The following OR2C1 variants were observed in gnomAD, a reference collection of about 807,000 sequenced individuals.
OR2C1 encodes the protein olfactory receptor 2C1.
For missense variants in OR2C1, 468 were observed against 388.3 expected (o/e 1.21, Z -1.73); for synonymous variants, 209 against 167.3 (o/e 1.25, Z -1.92).
chr16:3,356,725 C>A lies in OR2C1; in HGVS notation c.785C>A (p.Pro262Gln), dbSNP rs144009681. Reference protein sequence around the residue: ...YGSASYGYLLPAKNSKQDQGK... With the variant: ...YGSASYGYLLQAKNSKQDQGK... ...TCAGCCAGCTATGGGTATCTGCTTC[C>A]GGCCAAGAACAGCAAACAGGACCAG... The change falls in exon 1 of 1, where the codon CCG becomes CAG. Residue 262 changes from proline (P) to glutamine (Q), a missense_variant. By Grantham distance (76) the Pro-to-Gln change is moderately conservative. Coordinates refer to ENST00000304936, the MANE Select transcript of OR2C1 (RefSeq NM_012368.3). 3.7e-6 allele frequency: 6 copies of A among 1,614,100 alleles called. No homozygotes were observed. Among genetic ancestry groups the A allele is most frequent in the Non-Finnish European group, 5.1e-6 (6 of 1,179,992 alleles).
chr16:3,347,865 C>G, the OR2C1 span, among the ~76,000 whole-genome samples: 1 of 148,098 alleles, frequency 6.8e-6, no homozygotes, highest in Non-Finnish European at 1.5e-5. Flanking sequence ...CACACGCGCA[C>G]ACACACACGC....
chr16:3,351,010 G>C (rs2030563959), upstream of OR2C1, among the ~76,000 whole-genome samples: 1 of 147,380 alleles, frequency 6.8e-6, no homozygotes, highest in South Asian at 2.2e-4. Context: ...ACTCCAGCCT[G>C]GGTGACACAG....
rs780467343 is a variant in OR2C1 at position 3,356,333 on chromosome 16, C to A, written c.393C>A (p.Arg131=). 3.1e-6 allele frequency: 5 copies of A among 1,613,222 alleles called. No individual in the cohort carries two copies. The African/African-American group carries it at 6.7e-5, about 22-fold the overall frequency. ...ACGTGGCAGTGTGCCGGCCCCTCCG[C>A]TACACCGCCATCATGAACCCCCAGC... ...DRYVAVCRPL[R]YTAIMNPQLC... The change falls in exon 1 of 1, where the codon CGC becomes CGA. Residue 131 remains arginine (R), a synonymous_variant. Transcript: ENST00000304936.
the OR2C1 span, among the ~76,000 whole-genome samples, chr16:3,341,234 T>A: frequency 2.0e-5 from 3 of 151,932 alleles, no homozygotes; most frequent in Non-Finnish European, 4.4e-5. Context: ...TTTTTATAAT[T>A]TCCTTTTTAA....
the OR2C1 span, among the ~76,000 whole-genome samples, chr16:3,334,673 G>T: frequency 6.6e-6 from 1 of 151,788 alleles, no homozygotes; most frequent in Middle Eastern, 3.4e-3. Context: ...TTGAAAATGA[G>T]TTGGTTATAA....
the OR2C1 span, among the ~76,000 whole-genome samples, chr16:3,340,838 A>G: frequency 2.0e-5 from 3 of 151,930 alleles, no homozygotes; most frequent in Non-Finnish European, 4.4e-5. Flanking sequence ...TCAGTACTTC[A>G]CAATTTTAGT....
the OR2C1 span, among the ~76,000 whole-genome samples, chr16:3,348,982 G>C: frequency 6.6e-6 from 1 of 151,910 alleles, no homozygotes; most frequent in Non-Finnish European, 1.5e-5. Flanking sequence ...GTCAAAAATA[G>C]CAACTTCCTC....
At chr16:3,329,169 G>GAGACACACACACACACAC in the OR2C1 span, among the ~76,000 whole-genome samples, 1 of 115,090 alleles carries the variant, frequency 8.7e-6, no homozygotes, top group Admixed American at 9.5e-5. Context: ...TGGGAGGGAA[G>GAGACACACACACACACAC]ACACACACAC....
At chr16:3,354,152 T>G (rs1474293065), upstream of OR2C1, among the ~76,000 whole-genome samples, 2 of 151,906 alleles carry the variant, frequency 1.3e-5, no homozygotes, top group African/African-American at 4.8e-5. Flanking sequence ...CCCGACAAAT[T>G]TTTTGTATTA....
At chr16:3,337,182 G>T in the OR2C1 span, among the ~76,000 whole-genome samples, 2 of 146,124 alleles carry the variant, frequency 1.4e-5, no homozygotes, top group Non-Finnish European at 3.0e-5. Context: ...GGAGACAGAG[G>T]CTTGCTCTGT....
At chr16:3,335,520 C>CTTTTTTTTTTTTTTTTTTTTTTTT in the OR2C1 span, among the ~76,000 whole-genome samples, 1 of 55,410 alleles carries the variant, frequency 1.8e-5, no homozygotes, top group Non-Finnish European at 3.1e-5. Flanking sequence ...AATGCTACTG[C>CTTTTTTTTTTTTTTTTTTTTTTTT]TTTTTTTTTT....
the OR2C1 span, among the ~76,000 whole-genome samples, chr16:3,345,485 CAA>C: frequency 1.4e-4 from 20 of 142,142 alleles, no homozygotes; most frequent in South Asian, 4.4e-4. Flanking sequence ...GACTCTGTCT[CAA>C]AAAAAAAAAA....
the OR2C1 span, among the ~76,000 whole-genome samples, chr16:3,346,624 C>CTTTTTTTTT: frequency 3.9e-5 from 5 of 128,062 alleles, no homozygotes; most frequent in Non-Finnish European, 7.9e-5. Flanking sequence ...GTCCATGCAT[C>CTTTTTTTTT]TTTTTTTTTT....
upstream of OR2C1, among the ~76,000 whole-genome samples, chr16:3,355,246 A>G (rs2030642067): frequency 6.7e-6 from 1 of 150,270 alleles, no homozygotes. Flanking sequence ...GCATATCACG[A>G]GGTCAGGAGT....
chr16:3,348,600 G>A, the OR2C1 span, among the ~76,000 whole-genome samples: 2 of 152,126 alleles, frequency 1.3e-5, no homozygotes, highest in Non-Finnish European at 2.9e-5. Flanking sequence ...AGACTTGCTG[G>A]GGCCAGGCCC....
chr16:3,324,046 C>G, the OR2C1 span: 3 of 397,166 alleles, frequency 7.6e-6, no homozygotes, highest in Non-Finnish European at 8.9e-6. Flanking sequence ...TGAATGATTT[C>G]AAAGCATTTG....
chr16:3,356,134 A>G lies in OR2C1; in HGVS notation c.194A>G (p.Asn65Ser). The G allele has an allele frequency of 6.2e-7, 1 of 1,613,152 alleles. No individual in the cohort carries two copies. The change falls in exon 1 of 1, where the codon AAC (asparagine) becomes AGC (serine). Residue 65 changes from asparagine to serine, a missense_variant. Coordinates refer to ENST00000304936, the MANE Select transcript of OR2C1 (RefSeq NM_012368.3). Reference protein sequence around the residue: ...LHTPMYFFLSNLSSLDLAFAT... With the variant: ...LHTPMYFFLSSLSSLDLAFAT... The stretch of plus-strand genomic sequence containing the variant: ...ACACCCATGTACTTCTTCCTCAGCA[A>G]CCTCTCCTCCTTGGACCTTGCTTTC...
the OR2C1 span, among the ~76,000 whole-genome samples, chr16:3,347,621 T>G: frequency 1.3e-5 from 2 of 152,108 alleles, no homozygotes; most frequent in African/African-American, 4.8e-5. Context: ...TGTACATATA[T>G]GTTGTTTTTC....
the OR2C1 span, chr16:3,322,982 A>G: frequency 1.0e-6 from 1 of 970,922 alleles, no homozygotes; most frequent in South Asian, 4.8e-5. Context: ...AAAATGCTGG[A>G]ATTTTTCCTT....
Sources: gnomAD v4.1 joint callset for allele counts (sites outside exome capture counted in the v4.1 genomes callset) on GRCh38, gnomAD v4.1.1 for gene constraint, MANE v1.5 for transcripts, NCBI Gene and HGNC (gene_info 2026-07-23, HGNC 2026-07-21) for gene names.